WHRN: variants seen among roughly 807,000 people sequenced by gnomAD.
The protein encoded by WHRN is CASK-interacting protein CIP98.
In WHRN, 41 loss-of-function variants were observed where a neutral mutation model predicts 68.3. The ratio of observed to expected loss-of-function variants is 0.60; its 90% CI spans 0.47 to 0.78. The LOEUF (loss-of-function observed/expected upper bound fraction) is 0.78, where lower values mean the gene tolerates loss of function less well. Ranked by LOEUF, WHRN falls within the 30% of genes least tolerant of loss-of-function variation. The pLI is 0.00. For missense variants in WHRN, 1,243 were observed against 1,244.7 expected (o/e 1.00, Z 0.02); for synonymous variants, 560 against 561.3 (o/e 1.00, Z 0.03).
chr9:114,498,579 CCA>C (rs1843658248), intron 1 of WHRN, among the ~76,000 whole-genome samples: 1 of 152,146 alleles, frequency 6.6e-6, no homozygotes, highest in Non-Finnish European at 1.5e-5. Flanking sequence ...CTGAAATACA[CCA>C]CTCTCCCTTG....
chr9:114,456,015 A>G (rs968170422), intron 3 of WHRN, among the ~76,000 whole-genome samples: 1 of 152,142 alleles, frequency 6.6e-6, no homozygotes, highest in Non-Finnish European at 1.5e-5. Context: ...TTAAAAGTGA[A>G]AGAATGGTTG....
chr9:114,443,098 A>G (rs1838519684), intron 3 of WHRN, among the ~76,000 whole-genome samples: 1 of 152,212 alleles, frequency 6.6e-6, no homozygotes, highest in Admixed American at 6.5e-5. Context: ...TCCAACTCCT[A>G]CCAAGAAGAA....
Position 114,406,788 on chromosome 9 carries a change from C to T in WHRN, c.1803G>A (p.Lys601=), listed in dbSNP as rs779743596. The T allele has an allele frequency of 1.2e-6, 2 of 1,613,792 alleles. No homozygotes were observed. Among genetic ancestry groups the T allele is most frequent in the East Asian group, 4.5e-5 (2 of 44,866 alleles). ...GTGGCTGGAGGTCCTCTCTCCCCAG[C>T]TTCCTTGGCTGGCCTAGTGGGAGGT... ...GNDLPLGQPR[K]LGREDLQPPS... Residue 601 remains lysine (K), a synonymous_variant, in exon 9 of 12, where the codon AAG becomes AAA. Coordinates refer to ENST00000362057, the MANE Select transcript of WHRN (RefSeq NM_015404.4).
chr9:114,465,394 A>T (rs1249235380), intron 3 of WHRN, among the ~76,000 whole-genome samples: 1 of 152,244 alleles, frequency 6.6e-6, no homozygotes, highest in East Asian at 1.9e-4. Flanking sequence ...ACAGTCAGAC[A>T]CGCATGGTCC....
At chr9:114,461,949 G>C (rs1005861139) in intron 3 of WHRN, among the ~76,000 whole-genome samples, 3 of 152,216 alleles carry the variant, frequency 2.0e-5, no homozygotes, top group Admixed American at 2.0e-4. Flanking sequence ...TACAGTGTTA[G>C]CTTATAGGAG....
Position 114,406,396 on chromosome 9 carries a change from T to C in WHRN, c.2195A>G (p.Glu732Gly), listed in dbSNP as rs749490009. Reference sequence around the variant, plus strand: ...CGCCCTCACTTCATTGACGTCTGGCTCGCTGTCGGGGCGGTGGACCTCCAC... The same window carrying C: ...CGCCCTCACTTCATTGACGTCTGGCCCGCTGTCGGGGCGGTGGACCTCCAC... The part of the protein sequence containing the change: ...VMVEVHRPDS[E>G]PDVNEVRALP... Residue 732 changes from glutamate (E) to glycine (G), a missense_variant, in exon 9 of 12, where the codon GAG (glutamate) becomes GGG (glycine). Physicochemically the swap from Glu to Gly is moderately conservative, Grantham distance 98. Transcript: ENST00000362057. 2 of 1,614,144 alleles carry C rather than the reference T, an allele frequency of 1.2e-6. No homozygotes were observed. Among genetic ancestry groups the C allele is most frequent in the South Asian group, 2.2e-5 (2 of 91,086 alleles).
intron 5 of WHRN, 149 bp downstream of exon 5, chr9:114,424,839 C>A: frequency 1.0e-6 from 1 of 953,568 alleles, no homozygotes; most frequent in South Asian, 1.3e-5. Flanking sequence ...AGCAGTCAGT[C>A]ACAGATAAGT....
At position 114,424,383 on chromosome 9, in the gene WHRN, A is replaced by G; in HGVS notation, c.1367T>C (p.Val456Ala). 6.2e-7 allele frequency: 1 copy of G among 1,612,562 alleles called. No individual in the cohort carries two copies. The highest frequency in any genetic ancestry group is 8.5e-7 in the Non-Finnish European group (1 of 1,180,000). ...LDEYRGGSVS[V>A]EALVMALFKL... ...GAACAGGGCCATGACGAGGGCCTCC[A>G]CAGAGACGCTGCCACCACGGTACTC... Residue 456 changes from valine (V) to alanine (A), a missense_variant, in exon 6 of 12, where the codon GTG becomes GCG. Val to Ala is a moderately conservative substitution (Grantham distance 64). Transcript: ENST00000362057.
intron 10 of WHRN, 68 bp downstream of exon 10, chr9:114,403,828 G>T: frequency 6.3e-7 from 1 of 1,584,738 alleles, no homozygotes. Context: ...CTGGTCCCGG[G>T]ACCTCCCATT....
At chr9:114,495,361 AGTGCTG>A (rs1843363709) in intron 1 of WHRN, among the ~76,000 whole-genome samples, 1 of 152,186 alleles carries the variant, frequency 6.6e-6, no homozygotes, top group Admixed American at 6.5e-5. Flanking sequence ...ACAGTTCGGC[AGTGCTG>A]GTGGCAATGG....
intron 3 of WHRN, among the ~76,000 whole-genome samples, chr9:114,450,909 G>C (rs1275359138): frequency 6.6e-6 from 1 of 151,916 alleles, no homozygotes; most frequent in African/African-American, 2.4e-5. Context: ...AGTTGAGCTA[G>C]GCCCATGCTC....
At chr9:114,498,782 G>C (rs1007825478) in intron 1 of WHRN, among the ~76,000 whole-genome samples, 2 of 152,240 alleles carry the variant, frequency 1.3e-5, no homozygotes, top group Middle Eastern at 3.4e-3. Flanking sequence ...GAGGCCACTT[G>C]GTTCCTAATC....
intron 7 of WHRN, among the ~76,000 whole-genome samples, chr9:114,411,069 T>A (rs1431683507): frequency 6.6e-6 from 1 of 152,218 alleles, no homozygotes; most frequent in African/African-American, 2.4e-5. Flanking sequence ...TGGCACAATG[T>A]ACGAGGAAGG....
At chr9:114,415,845 G>C (rs1835779307) in intron 7 of WHRN, among the ~76,000 whole-genome samples, 1 of 152,136 alleles carries the variant, frequency 6.6e-6, no homozygotes, top group African/African-American at 2.4e-5. Flanking sequence ...ATCCAGGTTG[G>C]ACCAAAGTCA....
intron 3 of WHRN, among the ~76,000 whole-genome samples, chr9:114,438,445 CT>C (rs1158051217): frequency 6.8e-6 from 1 of 147,690 alleles, no homozygotes; most frequent in Non-Finnish European, 1.5e-5. Flanking sequence ...ATCCCACTTT[CT>C]TTTTTTTCTT....
chr9:114,432,022 CT>C lies in WHRN; in HGVS notation c.964-5610del, dbSNP rs970195708. 2.6e-5 allele frequency among the ~76,000 whole-genome samples: 4 copies of C among 152,302 alleles called. No homozygotes were observed. The East Asian group carries it at 7.7e-4, about 29-fold the overall frequency. On this transcript the variant is annotated intron_variant, in intron 3 of 11. Coordinates refer to ENST00000362057, the MANE Select transcript of WHRN (RefSeq NM_015404.4). ...TATTGCTCAGCTTGCTTGCAGGGCA[CT>C]GATGGGGAGGACAAGGAAAGATAAA...
At chr9:114,479,090 G>C (rs1400523289) in intron 1 of WHRN, among the ~76,000 whole-genome samples, 2 of 152,190 alleles carry the variant, frequency 1.3e-5, no homozygotes, top group Non-Finnish European at 2.9e-5. Context: ...CTGGCATCTC[G>C]GAACTTGGAT....
intron 2 of WHRN, among the ~76,000 whole-genome samples, chr9:114,469,061 G>C (rs142576678): frequency 6.6e-6 from 1 of 152,220 alleles, no homozygotes; most frequent in Non-Finnish European, 1.5e-5. Flanking sequence ...AACCAGTCAC[G>C]CTCACTTCCT....
chr9:114,455,255 G>A (rs984881454), intron 3 of WHRN, among the ~76,000 whole-genome samples: 3 of 151,980 alleles, frequency 2.0e-5, no homozygotes, highest in African/African-American at 7.3e-5. Flanking sequence ...TCTCACTCCC[G>A]TTGCCCAGGC....
Sources: allele counts gnomAD v4.1 joint callset (sites outside exome capture counted in the v4.1 genomes callset), GRCh38; gene constraint gnomAD v4.1.1; transcripts MANE v1.5; gene names NCBI Gene and HGNC (gene_info 2026-07-23, HGNC 2026-07-21).